GPR137C: variants seen among roughly 807,000 people sequenced by gnomAD.
GPR137C encodes the protein G protein-coupled receptor 137C.
A neutral mutation model predicts 43.4 loss-of-function variants in GPR137C; 27 were observed. The ratio of observed to expected loss-of-function variants is 0.62; its 90% CI spans 0.46 to 0.86. GPR137C has a LOEUF of 0.86. Ranked by LOEUF, GPR137C falls within the 40% of genes least tolerant of loss-of-function variation. GPR137C has a pLI of 0.00. For synonymous variants in GPR137C, 285 were observed against 226.9 expected, an observed-to-expected ratio of 1.26 and a Z score of -2.30; for missense variants, 522 against 534.6, an observed-to-expected ratio of 0.98 and a Z score of 0.23.
chr14:52,577,162 G>A (rs187546691), intron 1 of GPR137C, among the ~76,000 whole-genome samples: 45 of 125,844 alleles, frequency 3.6e-4, no homozygotes, highest in Admixed American at 1.4e-3. Flanking sequence ...ACTCCAGCCT[G>A]GGCGACAGAG....
At chr14:52,596,668 G>T (rs143337080) in intron 1 of GPR137C, among the ~76,000 whole-genome samples, 1 of 152,332 alleles carries the variant, frequency 6.6e-6, no homozygotes, top group African/African-American at 2.4e-5. Flanking sequence ...CAGTTGCTGA[G>T]ACTGTGGGAA....
At chr14:52,559,269 G>T (rs1026527938) in intron 1 of GPR137C, among the ~76,000 whole-genome samples, 3 of 151,988 alleles carry the variant, frequency 2.0e-5, no homozygotes, top group Admixed American at 1.3e-4. Flanking sequence ...CCAGCTACCC[G>T]GGAAGAGAGA....
intron 3 of GPR137C, among the ~76,000 whole-genome samples, chr14:52,623,249 T>G (rs138283358): frequency 3.5e-4 from 53 of 152,302 alleles, no homozygotes; most frequent in African/African-American, 1.2e-3. Flanking sequence ...TCTTTACATT[T>G]TCAGTTAAAT....
Position 52,586,670 on chromosome 14 carries a change from C to T in GPR137C, c.445-11602C>T, listed in dbSNP as rs578134423. Among the ~76,000 whole-genome samples, 3 of 152,148 alleles carry T rather than the reference C, an allele frequency of 2.0e-5. No homozygotes were observed. The East Asian group carries it at 5.8e-4, about 29-fold the overall frequency. On this transcript the variant is annotated intron_variant, in intron 1 of 6. Coordinates refer to ENST00000321662, the MANE Select transcript of GPR137C (RefSeq NM_001099652.2). ...GTTGACTCTCATTCTACACTTTTTC[C>T]CTTAAGTGTATTCTACTGAGTTTCA...
intron 1 of GPR137C, among the ~76,000 whole-genome samples, chr14:52,554,610 A>G (rs1173016719): frequency 3.3e-5 from 5 of 152,290 alleles, no homozygotes; most frequent in East Asian, 1.9e-4. Context: ...AGGTGACATC[A>G]TATGCTTAAT....
intron 1 of GPR137C, among the ~76,000 whole-genome samples, chr14:52,555,172 C>T (rs529213787): frequency 5.3e-5 from 8 of 152,134 alleles, no homozygotes; most frequent in Admixed American, 5.2e-4. Context: ...AAGTGACTAG[C>T]GATTTTTATG....
In GPR137C at chr14:52,632,281, A is replaced by C; in HGVS notation, c.839A>C (p.Asn280Thr). Reference protein sequence around the residue: ...ISQDTLESPFNYGWDNLSDKA... With the variant: ...ISQDTLESPFTYGWDNLSDKA... Reference sequence around the variant, plus strand: ...CAGGATACATTAGAAAGTCCATTTAATTATGGCTGGGATAATCTTTCAGAT... The same window carrying C: ...CAGGATACATTAGAAAGTCCATTTACTTATGGCTGGGATAATCTTTCAGAT... The change falls in exon 4 of 7, where the codon AAT becomes ACT. Residue 280 changes from asparagine to threonine, a missense_variant. This residue lies in a region of GPR137C where 437 missense variants were observed against 425.7 expected (regional missense o/e 1.03). Transcript: ENST00000321662. 1.2e-6 allele frequency: 2 copies of C among 1,610,870 alleles called. No homozygotes were observed. The highest frequency in any genetic ancestry group is 1.7e-6 in the Non-Finnish European group (2 of 1,177,788).
chr14:52,629,545 AG>A (rs1380554999), intron 3 of GPR137C, among the ~76,000 whole-genome samples: 1 of 152,220 alleles, frequency 6.6e-6, no homozygotes, highest in Non-Finnish European at 1.5e-5. Flanking sequence ...TCCAAAAACA[AG>A]GATGAATCTC....
chr14:52,611,733 G>A (rs1264900777), intron 3 of GPR137C: 3 of 364,410 alleles, frequency 8.2e-6, no homozygotes, highest in Non-Finnish European at 1.1e-5. Context: ...TTATATTGCT[G>A]GATTTAAATC....
intron 3 of GPR137C, among the ~76,000 whole-genome samples, chr14:52,614,067 C>T (rs2039069181): frequency 6.6e-6 from 1 of 151,878 alleles, no homozygotes; most frequent in Non-Finnish European, 1.5e-5. Context: ...GAGATGATAC[C>T]TCATTATAGT....
At chr14:52,571,534 T>C (rs1362411636) in intron 1 of GPR137C, among the ~76,000 whole-genome samples, 1 of 151,944 alleles carries the variant, frequency 6.6e-6, no homozygotes, top group African/African-American at 2.4e-5. Context: ...ATTAGCTGGG[T>C]GCAGTGGCAG....
intron 1 of GPR137C, among the ~76,000 whole-genome samples, chr14:52,583,117 T>C (rs1294068385): frequency 2.0e-5 from 3 of 152,168 alleles, no homozygotes; most frequent in African/African-American, 7.2e-5. Context: ...GCTGGAAAGA[T>C]ACAGCCCATC....
intron 1 of GPR137C, among the ~76,000 whole-genome samples, chr14:52,585,420 C>T (rs2038700947): frequency 6.6e-6 from 1 of 152,198 alleles, no homozygotes; most frequent in Admixed American, 6.5e-5. Flanking sequence ...CTCCACTCTC[C>T]ATCTTCTACT....
intron 1 of GPR137C, among the ~76,000 whole-genome samples, chr14:52,562,621 T>C (rs1405773762): frequency 1.3e-5 from 2 of 152,036 alleles, no homozygotes; most frequent in African/African-American, 4.8e-5. Flanking sequence ...AAAACAACTA[T>C]TAAAGGTTCA....
intron 3 of GPR137C, among the ~76,000 whole-genome samples, chr14:52,622,780 C>A (rs2039175086): frequency 6.6e-6 from 1 of 152,072 alleles, no homozygotes; most frequent in Non-Finnish European, 1.5e-5. Flanking sequence ...AAGGGCACAT[C>A]TCATCACATA....
chr14:52,634,442 G>A (rs1443785117), intron 6 of GPR137C, among the ~76,000 whole-genome samples: 1 of 152,060 alleles, frequency 6.6e-6, no homozygotes, highest in African/African-American at 2.4e-5. Context: ...AATGGCTGAA[G>A]CCATGAAGCA....
intron 1 of GPR137C, among the ~76,000 whole-genome samples, chr14:52,590,844 T>A (rs1472547304): frequency 4.6e-5 from 7 of 152,108 alleles, no homozygotes; most frequent in African/African-American, 1.4e-4. Flanking sequence ...GTTTTGTTTT[T>A]TATTATACTT....
chr14:52,559,640 A>G (rs1319839889), intron 1 of GPR137C, among the ~76,000 whole-genome samples: 4 of 152,336 alleles, frequency 2.6e-5, no homozygotes, highest in Non-Finnish European at 5.9e-5. Flanking sequence ...GAGAAGAACA[A>G]AGTACTTCAC....
intron 5 of GPR137C, 70 bp from the exon 6 acceptor site, chr14:52,633,758 T>C (rs1424988005): frequency 6.6e-7 from 1 of 1,520,480 alleles, no homozygotes. Flanking sequence ...TAAAAATTAT[T>C]ATAGATTCTA....
Sources: gnomAD v4.1 joint callset for allele counts (sites outside exome capture counted in the v4.1 genomes callset) on GRCh38, gnomAD v4.1.1 for gene constraint, gnomAD v4.1.1 regional missense constraint, MANE v1.5 for transcripts, NCBI Gene and HGNC (gene_info 2026-07-23, HGNC 2026-07-21) for gene names.